Variants in JARID2 observed in about 807,000 individuals in gnomAD.
JARID2 encodes the protein protein Jumonji.
JARID2 carries 21 observed loss-of-function variants against 125.6 expected under a neutral mutation model. That is an observed-to-expected ratio of 0.17 (90% confidence interval 0.12 to 0.24). The LOEUF is 0.24. JARID2 is among the 10% of genes least tolerant of loss of function. The pLI is 1.00. For synonymous variants in JARID2, 736 were observed against 661.6 expected, an observed-to-expected ratio of 1.11 and a Z score of -1.73; for missense variants, 1,303 against 1,639.6, an observed-to-expected ratio of 0.79 and a Z score of 3.55.
intron 1 of JARID2, among the ~76,000 whole-genome samples, chr6:15,320,621 T>C (rs1372143387): frequency 3.3e-5 from 5 of 152,246 alleles, no homozygotes; most frequent in Non-Finnish European, 5.9e-5. Context: ...TGAAACTGTA[T>C]AGCTAATGAC....
intron 3 of JARID2, among the ~76,000 whole-genome samples, chr6:15,447,314 A>G (rs1767716493): frequency 6.6e-6 from 1 of 152,128 alleles, no homozygotes; most frequent in African/African-American, 2.4e-5. Context: ...TCATTGACAT[A>G]AAGGGTACAT....
In JARID2 at chr6:15,496,115, C is replaced by T. The variant is rs755708415; in HGVS notation, c.907-17C>T. ...AATTCTGCGTTTTTTTCCACCTCTG[C>T]TTCTGCTGCTCCACAGGTTTCTAAG... On this transcript the variant is annotated splice_polypyrimidine_tract_variant and intron_variant, in intron 6 of 17. Transcript: ENST00000341776. 1.8e-5 allele frequency: 29 copies of T among 1,586,256 alleles called. No homozygotes were observed. Among genetic ancestry groups the T allele is most frequent in the Non-Finnish European group, 2.5e-5 (29 of 1,164,626 alleles).
intron 14 of JARID2, 36 bp downstream of exon 14, chr6:15,512,426 C>G (rs369423897): frequency 1.9e-6 from 3 of 1,603,384 alleles, no homozygotes; most frequent in Admixed American, 1.7e-5. Flanking sequence ...TTGCTGCCCC[C>G]GCATCCCTGT....
In JARID2 at chr6:15,433,426, G is replaced by C. The variant is rs915651786; in HGVS notation, c.324-18580G>C. On this transcript the variant is annotated intron_variant, in intron 3 of 17. Transcript: ENST00000341776. ...CATGTCTCTCTGTGTGTGTGTGTGT[G>C]TGTGTGTGTGTGTGTGTGTGTGTGT... is the stretch of plus-strand genomic sequence containing the variant. Among the ~76,000 whole-genome samples the C allele has an allele frequency of 2.0e-4, 30 of 147,494 alleles. No individual in the cohort carries two copies. In the East Asian group the frequency reaches 2.1e-3, roughly 11 times the overall value.
At chr6:15,490,295 A>G (rs556078560) in intron 6 of JARID2, among the ~76,000 whole-genome samples, 1 of 152,342 alleles carries the variant, frequency 6.6e-6, no homozygotes, top group Admixed American at 6.5e-5. Context: ...AAAAGCATAA[A>G]TGTGACTGTA....
At chr6:15,449,604 G>A (rs1474903169) in intron 3 of JARID2, among the ~76,000 whole-genome samples, 1 of 152,058 alleles carries the variant, frequency 6.6e-6, no homozygotes, top group South Asian at 2.1e-4. Context: ...GGAATTTGAG[G>A]CTGTAGTGAG....
chr6:15,463,959 G>GAA (rs1768584941), intron 4 of JARID2, among the ~76,000 whole-genome samples: 1 of 152,180 alleles, frequency 6.6e-6, no homozygotes, highest in Non-Finnish European at 1.5e-5. Context: ...TTCTAAATGA[G>GAA]ATAATCAAGC....
chr6:15,347,601 A>AT (rs1387673952), intron 1 of JARID2, among the ~76,000 whole-genome samples: 1 of 152,228 alleles, frequency 6.6e-6, no homozygotes, highest in Non-Finnish European at 1.5e-5. Flanking sequence ...AGAATGAGAT[A>AT]TTCTTCACCA....
At chr6:15,246,736 A>C (rs1461178950) in intron 1 of JARID2, 152 bp downstream of exon 1, 2 of 720,484 alleles carry the variant, frequency 2.8e-6, no homozygotes, top group African/African-American at 3.6e-5. Flanking sequence ...TTTTCAAGCA[A>C]AGTGGTGTCT....
intron 2 of JARID2, among the ~76,000 whole-genome samples, chr6:15,392,773 C>T (rs1765073331): frequency 6.6e-6 from 1 of 151,582 alleles, no homozygotes; most frequent in South Asian, 2.1e-4. Flanking sequence ...TAACCTCCAC[C>T]TCCCAGGTTC....
intron 1 of JARID2, among the ~76,000 whole-genome samples, chr6:15,275,465 C>G (rs1424296385): frequency 1.4e-5 from 2 of 143,970 alleles, no homozygotes; most frequent in Admixed American, 1.4e-4. Context: ...GTGTTCAAGT[C>G]AGATGCTTTG....
intron 3 of JARID2, among the ~76,000 whole-genome samples, chr6:15,423,818 A>G (rs1322519490): frequency 1.3e-5 from 2 of 152,092 alleles, no homozygotes; most frequent in Non-Finnish European, 2.9e-5. Flanking sequence ...AGGTGTGAAC[A>G]TGTGTCTGGT....
intron 2 of JARID2, among the ~76,000 whole-genome samples, chr6:15,403,332 T>C (rs980103362): frequency 1.3e-5 from 2 of 152,236 alleles, no homozygotes; most frequent in African/African-American, 4.8e-5. Flanking sequence ...CAGTGTTTTC[T>C]GTCCCCCTGG....
chr6:15,306,335 T>TTC (rs1761824716), intron 1 of JARID2, among the ~76,000 whole-genome samples: 1 of 133,978 alleles, frequency 7.5e-6, no homozygotes, highest in Non-Finnish European at 1.7e-5. Flanking sequence ...TTTCTTTTTT[T>TTC]TTTTTTTTTT....
intron 3 of JARID2, among the ~76,000 whole-genome samples, chr6:15,416,022 G>T (rs1190342894): frequency 6.6e-6 from 1 of 151,654 alleles, no homozygotes; most frequent in Non-Finnish European, 1.5e-5. Flanking sequence ...GTCATGGCCC[G>T]GTAGAGGCGC....
chr6:15,321,752 G>A (rs1312329359), intron 1 of JARID2, among the ~76,000 whole-genome samples: 3 of 145,174 alleles, frequency 2.1e-5, no homozygotes, highest in South Asian at 2.2e-4. Context: ...AGTTAGAATA[G>A]CAATCTAATT....
intron 16 of JARID2, 38 bp from the exon 17 acceptor site, chr6:15,517,123 T>G (rs781328284): frequency 1.2e-4 from 178 of 1,505,314 alleles, no homozygotes; most frequent in Non-Finnish European, 1.6e-4. Context: ...GCTGTGGAGC[T>G]GCCTCCTGAC....
intron 4 of JARID2, among the ~76,000 whole-genome samples, chr6:15,467,091 T>C (rs1768776992): frequency 6.6e-6 from 1 of 152,220 alleles, no homozygotes; most frequent in South Asian, 2.1e-4. Flanking sequence ...TGATAGGTCA[T>C]GAAGATGCCT....
At chr6:15,484,869 C>T (rs1769792532) in intron 5 of JARID2, among the ~76,000 whole-genome samples, 3 of 152,152 alleles carry the variant, frequency 2.0e-5, no homozygotes, top group South Asian at 2.1e-4. Flanking sequence ...AAAAAAGCAA[C>T]TACTTCCTAT....
Sources: allele counts gnomAD v4.1 joint callset (sites outside exome capture counted in the v4.1 genomes callset), GRCh38; gene constraint gnomAD v4.1.1; transcripts MANE v1.5; gene names NCBI Gene and HGNC (gene_info 2026-07-23, HGNC 2026-07-21).